The following AGAP1 variants were observed in gnomAD, a reference collection of about 807,000 sequenced individuals.
AGAP1 encodes the protein ArfGAP with GTPase domain, ankyrin repeat and PH domain 1.
AGAP1 carries 29 observed loss-of-function variants against 105.3 expected under a neutral mutation model. The ratio of observed to expected loss-of-function variants is 0.28; its 90% CI spans 0.21 to 0.38. AGAP1 has a LOEUF of 0.38. Among genes scored for constraint, AGAP1 ranks in the 10% least tolerant of loss-of-function variants. AGAP1 has a pLI of 1.00. For synonymous variants in AGAP1, 509 were observed against 485.9 expected (o/e 1.05, Z -0.63); for missense variants, 998 against 1,165.1 (o/e 0.86, Z 2.09).
rs759687514 is a variant in AGAP1, at chr2:235,859,699, C to G, written c.1051-23646C>G. ...GAAGGCATTACTTTTATCTGTAGAA[C>G]AAATTTCAACCTTTGAAGGAAAAAA... On this transcript the variant is annotated intron_variant, in intron 9 of 17. Coordinates refer to ENST00000304032, the MANE Select transcript of AGAP1 (RefSeq NM_001037131.3). 2.4e-4 allele frequency among the ~76,000 whole-genome samples: 36 copies of G among 152,130 alleles called. 2 individuals carry two copies. The highest frequency in any genetic ancestry group is 7.9e-4 in the Admixed American group (12 of 15,282).
In AGAP1 at chr2:235,764,661, G is replaced by GCCCGTGGGGTGGGGGCATCTGGGAGCA. The variant is rs1954765813; in HGVS notation, c.673+14199_673+14200insACCCGTGGGGTGGGGGCATCTGGGAGC. On this transcript the variant is annotated intron_variant, in intron 6 of 17. Coordinates refer to ENST00000304032, the MANE Select transcript of AGAP1 (RefSeq NM_001037131.3). ...ACCCCTGATGGGGGCACCTGGGAGC[G>GCCCGTGGGGTGGGGGCATCTGGGAGCA]CCCGTGGGGTGGGGGCATCTGGGAG... Among the ~76,000 whole-genome samples, 8 of 148,714 alleles carry GCCCGTGGGGTGGGGGCATCTGGGAGCA rather than the reference G, an allele frequency of 5.4e-5. 1 individual carries two copies. Among genetic ancestry groups the GCCCGTGGGGTGGGGGCATCTGGGAGCA allele is most frequent in the African/African-American group, 1.7e-4 (7 of 40,664 alleles).
intron 12 of AGAP1, among the ~76,000 whole-genome samples, chr2:235,948,591 G>A (rs1243346864): frequency 6.6e-6 from 1 of 152,210 alleles, no homozygotes; most frequent in Non-Finnish European, 1.5e-5. Flanking sequence ...TGGCAGTAGG[G>A]ATGTTTAGTT....
rs1559404655 is a variant in AGAP1 at position 235,728,780 on chromosome 2, G to A, written c.310+11136G>A. 6.6e-6 allele frequency among the ~76,000 whole-genome samples: 1 copy of A among 152,204 alleles called. No individual in the cohort carries two copies. The highest frequency in any genetic ancestry group is 1.5e-5 in the Non-Finnish European group (1 of 68,042). ...ACATTGAAATGAAAGCGTGCCTAGT[G>A]GAGCAAGAGCGGGGCGGGGAGGAGG... On this transcript the variant is annotated intron_variant, in intron 3 of 17. Coordinates refer to ENST00000304032, the MANE Select transcript of AGAP1 (RefSeq NM_001037131.3). The surrounding 1 kb of genome is among the most constrained non-coding windows in gnomAD (Gnocchi z 4.3).
At chr2:235,697,460 C>T (rs925024584) in intron 1 of AGAP1, among the ~76,000 whole-genome samples, 3 of 152,238 alleles carry the variant, frequency 2.0e-5, no homozygotes, top group African/African-American at 7.2e-5. Flanking sequence ...CAATGCTTCT[C>T]TGTGAGTGAC....
intron 16 of AGAP1, among the ~76,000 whole-genome samples, chr2:236,052,329 A>G (rs1411931438): frequency 6.6e-6 from 1 of 152,048 alleles, no homozygotes; most frequent in Non-Finnish European, 1.5e-5. Flanking sequence ...CCCCAAACAC[A>G]CAAACACACA....
rs1196311974 is a variant in AGAP1 at position 235,872,420 on chromosome 2, G to T, written c.1051-10925G>T. Among the ~76,000 whole-genome samples the T allele has an allele frequency of 6.6e-6, 1 of 152,188 alleles. No homozygotes were observed. Among genetic ancestry groups the T allele is most frequent in the East Asian group, 1.9e-4 (1 of 5,172 alleles). ...AAGTGGCATCTGAAAGATGGACAAAGTATGCATGGTGACATGCCACCATGC... is the reference window on the plus strand; with the variant it reads ...AAGTGGCATCTGAAAGATGGACAAATTATGCATGGTGACATGCCACCATGC... On this transcript the variant is annotated intron_variant, in intron 9 of 17. Transcript: ENST00000304032. This position sits in a 1 kb window ranked among gnomAD's most constrained non-coding sequence, Gnocchi z 4.5.
chr2:235,925,827 A>C (rs1020127744), intron 11 of AGAP1, among the ~76,000 whole-genome samples: 1 of 152,182 alleles, frequency 6.6e-6, no homozygotes, highest in Non-Finnish European at 1.5e-5. Context: ...CTTGTATCCT[A>C]GCTTGTCTTG....
chr2:235,860,480 G>A (rs1257075771), intron 9 of AGAP1, among the ~76,000 whole-genome samples: 1 of 152,054 alleles, frequency 6.6e-6, no homozygotes, highest in East Asian at 1.9e-4. Context: ...TCACAGATAC[G>A]TATTTTATTA....
Position 235,973,710 on chromosome 2 carries a change from T to G in AGAP1, c.1645+5087T>G, listed in dbSNP as rs2054746809. ...GGTGGAAGCCTCAAGGAGGTGGATT[T>G]TGATTCTGATATTAAAAGCTCTAGA... On this transcript the variant is annotated intron_variant, in intron 13 of 17. Transcript: ENST00000304032. The surrounding 1 kb of genome is among the most constrained non-coding windows in gnomAD (Gnocchi z 4.7). 6.6e-6 allele frequency among the ~76,000 whole-genome samples: 1 copy of G among 152,192 alleles called. No individual in the cohort carries two copies. Among genetic ancestry groups the G allele is most frequent in the Non-Finnish European group, 1.5e-5 (1 of 68,024 alleles).
chr2:235,512,372 G>T lies in AGAP1; in HGVS notation c.163+17523G>T, dbSNP rs556477072. Among the ~76,000 whole-genome samples, 10 of 152,316 alleles carry T rather than the reference G, an allele frequency of 6.6e-5. No homozygotes were observed. In the South Asian group the frequency reaches 2.1e-3, roughly 32 times the overall value. On this transcript the variant is annotated intron_variant, in intron 1 of 17. Transcript: ENST00000304032. Reference sequence around the variant, plus strand: ...AACACTTTGGGAGACCGAAGTGGGAGGATTGCTTGAAGCTAGGAGTTCAAG... The same window carrying T: ...AACACTTTGGGAGACCGAAGTGGGATGATTGCTTGAAGCTAGGAGTTCAAG...
chr2:235,658,302 T>C (rs962159952), intron 1 of AGAP1, among the ~76,000 whole-genome samples: 3 of 152,194 alleles, frequency 2.0e-5, no homozygotes, highest in Admixed American at 2.0e-4. Flanking sequence ...GCTATTTTCC[T>C]TGGAGGGGTC....
At chr2:236,016,848 T>C (rs1047443487) in intron 13 of AGAP1, among the ~76,000 whole-genome samples, 1 of 152,206 alleles carries the variant, frequency 6.6e-6, no homozygotes, top group Non-Finnish European at 1.5e-5. Flanking sequence ...CTTTCATTTT[T>C]CTCAGTTATA....
rs1575137448 is a variant in AGAP1 at position 235,689,523 on chromosome 2, G to A, written c.164-19656G>A. On this transcript the variant is annotated intron_variant, in intron 1 of 17. Transcript: ENST00000304032. This position sits in a 1 kb window ranked among gnomAD's most constrained non-coding sequence, Gnocchi z 4.2. ...TGCGTTTGTAAGCCAGAGAAAGATG[G>A]TACTGTGTGGTGGGGAATTCTGAAA... is the stretch of plus-strand genomic sequence containing the variant. Among the ~76,000 whole-genome samples the A allele has an allele frequency of 6.6e-6, 1 of 152,362 alleles. No homozygotes were observed. Among genetic ancestry groups the A allele is most frequent in the East Asian group, 1.9e-4 (1 of 5,192 alleles).
chr2:235,991,099 A>G (rs1033921700), intron 13 of AGAP1, among the ~76,000 whole-genome samples: 1 of 152,222 alleles, frequency 6.6e-6, no homozygotes, highest in Non-Finnish European at 1.5e-5. Flanking sequence ...TGTAGTTAAC[A>G]TCACGTGCTA....
chr2:235,753,171 A>T lies in AGAP1; in HGVS notation c.673+2683A>T, dbSNP rs1162918036. ...ACCCAGCACGTTCAAGGCAGAGGAC[A>T]GGCAGCCACCCACCTCTGTGTTGGA... On this transcript the variant is annotated intron_variant, in intron 6 of 17. Transcript: ENST00000304032. This position sits in a 1 kb window ranked among gnomAD's most constrained non-coding sequence, Gnocchi z 4.5. Among the ~76,000 whole-genome samples, 1 of 152,206 alleles carries T rather than the reference A, an allele frequency of 6.6e-6. No individual in the cohort carries two copies. Among genetic ancestry groups the T allele is most frequent in the Non-Finnish European group, 1.5e-5 (1 of 68,040 alleles).
At position 235,571,970 on chromosome 2, in the gene AGAP1, A is replaced by G. The variant is rs562958030; in HGVS notation, c.163+77121A>G. On this transcript the variant is annotated intron_variant, in intron 1 of 17. Coordinates refer to ENST00000304032, the MANE Select transcript of AGAP1 (RefSeq NM_001037131.3). Reference sequence around the variant, plus strand: ...TGTGTGTGTGTGTGTATACATATATATGTATACACACACACACACACACAC... The same window carrying G: ...TGTGTGTGTGTGTGTATACATATATGTGTATACACACACACACACACACAC... 6.6e-3 allele frequency among the ~76,000 whole-genome samples: 359 copies of G among 54,658 alleles called. 5 individuals carry two copies. The highest frequency in any genetic ancestry group is 0.024 in the African/African-American group (276 of 11,344). The allele number at this position is 54,658 out of a possible 152,430, so 35.9% of individuals were successfully genotyped here.
chr2:236,109,584 G>A lies in AGAP1; in HGVS notation c.2115-10608G>A, dbSNP rs1031730377. Reference sequence around the variant, plus strand: ...AGCGGCAGCGTCGGTGCTCTGGACCGGCAGCCATGGGAATGTCCTAGTCGG... The same window carrying A: ...AGCGGCAGCGTCGGTGCTCTGGACCAGCAGCCATGGGAATGTCCTAGTCGG... On this transcript the variant is annotated intron_variant, in intron 16 of 17. Transcript: ENST00000304032. This position sits in a 1 kb window ranked among gnomAD's most constrained non-coding sequence, Gnocchi z 5.4. Among the ~76,000 whole-genome samples the A allele has an allele frequency of 1.1e-4, 16 of 152,072 alleles. No individual in the cohort carries two copies. The highest frequency in any genetic ancestry group is 2.7e-4 in the African/African-American group (11 of 41,410).
Position 235,992,847 on chromosome 2 carries a change from T to C in AGAP1, c.1645+24224T>C, listed in dbSNP as rs576261451. ...CACGCACAGGCTGCACATTGTTTCA[T>C]GGCCTTTGCAGTTGAGCTTGTGTTG... On this transcript the variant is annotated intron_variant, in intron 13 of 17. Transcript: ENST00000304032. This position sits in a 1 kb window ranked among gnomAD's most constrained non-coding sequence, Gnocchi z 4.8. Among the ~76,000 whole-genome samples the C allele has an allele frequency of 9.7e-4, 148 of 152,298 alleles. No individual in the cohort carries two copies. Among genetic ancestry groups the C allele is most frequent in the Non-Finnish European group, 8.7e-4 (59 of 68,022 alleles).
chr2:235,975,550 C>A (rs2054825032), intron 13 of AGAP1, among the ~76,000 whole-genome samples: 1 of 152,168 alleles, frequency 6.6e-6, no homozygotes, highest in Non-Finnish European at 1.5e-5. Flanking sequence ...ACAAGGCTCT[C>A]ATCTTTTCTC....
Sources: gnomAD v4.1 joint callset for allele counts (sites outside exome capture counted in the v4.1 genomes callset) on GRCh38, gnomAD v4.1.1 for gene constraint, Gnocchi (gnomAD v3.1) non-coding constraint, MANE v1.5 for transcripts, NCBI Gene and HGNC (gene_info 2026-07-23, HGNC 2026-07-21) for gene names.